KIAA1217: variants seen among roughly 807,000 people sequenced by gnomAD.
KIAA1217 encodes KIAA1217.
In KIAA1217, 88 loss-of-function variants were observed where a neutral mutation model predicts 163.9. The ratio of observed to expected loss-of-function variants is 0.54; its 90% confidence interval spans 0.45 to 0.64. KIAA1217 has a LOEUF of 0.64. Ranked by LOEUF, KIAA1217 falls within the 30% of genes least tolerant of loss-of-function variation. The pLI is 0.00. For synonymous variants in KIAA1217, 903 were observed against 923.1 expected (o/e 0.98, Z 0.39); for missense variants, 2,372 against 2,475.0 (o/e 0.96, Z 0.88).
intron 1 of KIAA1217, among the ~76,000 whole-genome samples, chr10:23,781,451 A>G (rs1245555295): frequency 6.6e-6 from 1 of 152,056 alleles, no homozygotes; most frequent in Non-Finnish European, 1.5e-5. Context: ...GCATGTTTTA[A>G]GATTGTGAGT....
At chr10:23,933,938 T>C (rs1843363763) in intron 1 of KIAA1217, among the ~76,000 whole-genome samples, 1 of 152,168 alleles carries the variant, frequency 6.6e-6, no homozygotes, top group African/African-American at 2.4e-5. Flanking sequence ...ACACTGTTGG[T>C]AGGAATGTAA....
chr10:24,116,028 A>G (rs1187081106), intron 2 of KIAA1217, among the ~76,000 whole-genome samples: 1 of 151,044 alleles, frequency 6.6e-6, no homozygotes, highest in East Asian at 2.0e-4. Flanking sequence ...CCCAATCCTC[A>G]CTCTCAGCCC....
chr10:24,185,585 A>G (rs1312423867), intron 2 of KIAA1217, among the ~76,000 whole-genome samples: 1 of 152,084 alleles, frequency 6.6e-6, no homozygotes, highest in Non-Finnish European at 1.5e-5. Context: ...ACTTGTGGTA[A>G]GGAGTGCGAG....
At chr10:24,239,754 A>C (rs1314996323) in intron 2 of KIAA1217, among the ~76,000 whole-genome samples, 1 of 151,680 alleles carries the variant, frequency 6.6e-6, no homozygotes, top group Admixed American at 6.6e-5. Flanking sequence ...AATTGAGACT[A>C]TGGGTAGTTT....
Position 23,781,653 on chromosome 10 carries a change from C to T in KIAA1217, c.-321+86419C>T, listed in dbSNP as rs117367073. On this transcript the variant is annotated intron_variant, in intron 1 of 18. Transcript: ENST00000376462. ...CCAAAACAATAATTACTGAGGCCAA[C>T]GTTAAGGAGCTTTTCCCCTGTGTTT... 2.9e-4 allele frequency among the ~76,000 whole-genome samples: 44 copies of T among 152,270 alleles called. No homozygotes were observed. In the East Asian group the frequency reaches 7.3e-3, roughly 25 times the overall value.
At chr10:24,053,200 T>C (rs371279731) in intron 2 of KIAA1217, among the ~76,000 whole-genome samples, 1 of 151,732 alleles carries the variant, frequency 6.6e-6, no homozygotes. Flanking sequence ...GAGGAAACTA[T>C]AAGTAAGTAA....
intron 1 of KIAA1217, among the ~76,000 whole-genome samples, chr10:23,895,844 G>GA (rs1234110201): frequency 6.6e-6 from 1 of 151,746 alleles, no homozygotes; most frequent in African/African-American, 2.4e-5. Context: ...CCTTTGTAGG[G>GA]ACATGGATGA....
At chr10:24,105,062 G>A (rs997626435) in intron 2 of KIAA1217, among the ~76,000 whole-genome samples, 1 of 117,932 alleles carries the variant, frequency 8.5e-6, no homozygotes, top group Non-Finnish European at 1.8e-5. Context: ...ACTGCAAGAT[G>A]ATGATGATGA....
chr10:23,849,718 C>T (rs1300093613), intron 1 of KIAA1217, among the ~76,000 whole-genome samples: 1 of 151,974 alleles, frequency 6.6e-6, no homozygotes, highest in Non-Finnish European at 1.5e-5. Context: ...AAAAGAGTTG[C>T]TCTCAATGGA....
At chr10:24,170,842 G>C (rs892623723) in intron 2 of KIAA1217, among the ~76,000 whole-genome samples, 2 of 152,134 alleles carry the variant, frequency 1.3e-5, no homozygotes, top group African/African-American at 4.8e-5. Context: ...ATCCTCCCTG[G>C]AACTGGCTTA....
chr10:24,514,819 G>A (rs922601015), intron 10 of KIAA1217, among the ~76,000 whole-genome samples: 10 of 151,540 alleles, frequency 6.6e-5, no homozygotes, highest in Admixed American at 2.0e-4. Context: ...GCAAAACCCC[G>A]TCTCTACTAA....
chr10:24,197,599 T>C (rs2067050797), intron 2 of KIAA1217, among the ~76,000 whole-genome samples: 1 of 152,262 alleles, frequency 6.6e-6, no homozygotes, highest in South Asian at 2.1e-4. Flanking sequence ...CACTACCCTA[T>C]GTGCAATTTA....
chr10:24,381,523 T>G (rs987476076), intron 3 of KIAA1217, among the ~76,000 whole-genome samples: 2 of 152,230 alleles, frequency 1.3e-5, no homozygotes, highest in Admixed American at 1.3e-4. Context: ...AACCCTATTA[T>G]GAACTGCATG....
At chr10:24,284,969 T>G (rs2078391884) in intron 2 of KIAA1217, among the ~76,000 whole-genome samples, 1 of 152,222 alleles carries the variant, frequency 6.6e-6, no homozygotes, top group South Asian at 2.1e-4. Context: ...TGGTTTTGAT[T>G]TGCATTTAAT....
At chr10:24,134,100 C>T (rs989688726) in intron 2 of KIAA1217, among the ~76,000 whole-genome samples, 2 of 152,142 alleles carry the variant, frequency 1.3e-5, no homozygotes, top group African/African-American at 2.4e-5. Flanking sequence ...GTGAAATAGA[C>T]GTCATTTGCT....
intron 1 of KIAA1217, among the ~76,000 whole-genome samples, chr10:23,806,196 T>G (rs1836735897): frequency 6.6e-6 from 1 of 152,040 alleles, no homozygotes; most frequent in Admixed American, 6.6e-5. Flanking sequence ...TGTGTGCACG[T>G]GAGAAGGGAA....
intron 2 of KIAA1217, among the ~76,000 whole-genome samples, chr10:24,227,273 T>C (rs941462729): frequency 4.9e-4 from 75 of 151,644 alleles, no homozygotes; most frequent in African/African-American, 1.8e-3. Flanking sequence ...TTCTCCTGCC[T>C]CAGCCTCCCA....
At chr10:23,712,640 C>A (rs1489387697) in intron 1 of KIAA1217, among the ~76,000 whole-genome samples, 1 of 151,950 alleles carries the variant, frequency 6.6e-6, no homozygotes, top group East Asian at 1.9e-4. Context: ...AATTAATATT[C>A]ATTGCAAATG....
chr10:24,038,943 C>T (rs1848510066), intron 2 of KIAA1217, among the ~76,000 whole-genome samples: 2 of 151,990 alleles, frequency 1.3e-5, no homozygotes, highest in East Asian at 1.9e-4. Context: ...AAGGTTTCAC[C>T]ATGTTGGCCA....
Sources: gnomAD v4.1 joint callset for allele counts (sites outside exome capture counted in the v4.1 genomes callset) on GRCh38, gnomAD v4.1.1 for gene constraint, MANE v1.5 for transcripts, NCBI Gene and HGNC (gene_info 2026-07-23, HGNC 2026-07-21) for gene names.